Variants in ANP32B observed in about 807,000 individuals in gnomAD.
The protein encoded by ANP32B is acidic nuclear phosphoprotein 32 family member B.
In ANP32B, 6 loss-of-function variants were observed where a neutral mutation model predicts 32.2. The ratio of observed to expected loss-of-function variants is 0.19; its 90% confidence interval spans 0.10 to 0.37. The LOEUF is 0.37. Ranked by LOEUF, ANP32B falls within the 10% of genes least tolerant of loss-of-function variation. The pLI is 1.00. For missense variants in ANP32B, 204 were observed against 289.2 expected (o/e 0.71, Z 2.14); for synonymous variants, 98 against 105.8 (o/e 0.93, Z 0.45).
At chr9:97,983,822 G>C (rs1827644048) in intron 1 of ANP32B, among the ~76,000 whole-genome samples, 1 of 151,882 alleles carries the variant, frequency 6.6e-6, no homozygotes, top group Non-Finnish European at 1.5e-5. Flanking sequence ...CGGCCGGGGG[G>C]AGGCAGCGGT....
At chr9:97,984,031 G>A (rs1026057131) in intron 1 of ANP32B, among the ~76,000 whole-genome samples, 3 of 149,902 alleles carry the variant, frequency 2.0e-5, no homozygotes, top group African/African-American at 7.3e-5. Context: ...CCTGGGCCAG[G>A]CCGGGCTCCG....
chr9:98,007,081 A>G (rs983259848), intron 4 of ANP32B, among the ~76,000 whole-genome samples: 2 of 152,226 alleles, frequency 1.3e-5, no homozygotes, highest in African/African-American at 2.4e-5. Flanking sequence ...TTCAAAAGAA[A>G]TAAACATGAA....
intron 5 of ANP32B, among the ~76,000 whole-genome samples, chr9:98,011,994 G>A (rs935601478): frequency 1.3e-5 from 2 of 152,158 alleles, no homozygotes; most frequent in Non-Finnish European, 2.9e-5. Context: ...TTAACAAAAC[G>A]CATCCTCTTT....
chr9:97,987,744 TAA>T (rs1209551360), intron 1 of ANP32B: 1 of 152,196 alleles, frequency 6.6e-6, no homozygotes, highest in Admixed American at 6.5e-5. Flanking sequence ...TATACCAAAA[TAA>T]AAGTCTTTAC....
intron 1 of ANP32B, among the ~76,000 whole-genome samples, chr9:97,984,971 G>C (rs1293271270): frequency 6.6e-6 from 1 of 150,992 alleles, no homozygotes; most frequent in East Asian, 2.0e-4. Context: ...GCCTGAGGGC[G>C]GCCCTCTTGC....
chr9:97,987,359 A>G (rs998334039), intron 1 of ANP32B, among the ~76,000 whole-genome samples: 7 of 152,178 alleles, frequency 4.6e-5, no homozygotes, highest in Admixed American at 4.6e-4. Flanking sequence ...TATTTTATAT[A>G]AAATATTGGC....
At position 98,015,710 on chromosome 9, in the gene ANP32B, T is replaced by C. The variant is rs1042295735; in HGVS notation, c.*279T>C. The C allele has an allele frequency of 2.0e-5, 21 of 1,074,208 alleles. No homozygotes were observed. In the Admixed American group the frequency reaches 3.5e-4, roughly 18 times the overall value. 66.5% of individuals were successfully genotyped at this position (1,074,208 alleles called of 1,614,324 possible). ...CTTGCTGTAGCGTGGATAGCTGTGA[T>C]TGGTGAGTCAACCGTCTGTGGCTAC... On this transcript the variant is annotated 3_prime_UTR_variant, in exon 7 of 7. Transcript: ENST00000339399.
chr9:97,987,426 A>G (rs1827755563), intron 1 of ANP32B: 1 of 152,238 alleles, frequency 6.6e-6, no homozygotes, highest in East Asian at 1.9e-4. Context: ...CACCATGGAA[A>G]TTGGAGGTCT....
At chr9:97,985,066 G>GCCC (rs748980963) in intron 1 of ANP32B, among the ~76,000 whole-genome samples, 55 of 140,862 alleles carry the variant, frequency 3.9e-4, no homozygotes, top group African/African-American at 1.3e-3. Flanking sequence ...GCCGTCGCGA[G>GCCC]CCCCCCCCCC....
At chr9:97,986,518 G>T (rs1490473155) in intron 1 of ANP32B, 1 of 152,222 alleles carries the variant, frequency 6.6e-6, no homozygotes, top group African/African-American at 2.4e-5. Flanking sequence ...AGGAAAAAAT[G>T]CTGTAGATTT....
chr9:98,005,094 A>G lies in ANP32B; in HGVS notation c.458A>G (p.Gln153Arg), dbSNP rs2131589131. ...TTGGATGGCTATGACCGAGAGGACC[A>G]GGAAGCACCTGACTCAGATGCCGAG... Reference protein sequence around the residue: ...TYLDGYDREDQEAPDSDAEVD... With the variant: ...TYLDGYDREDREAPDSDAEVD... Residue 153 changes from glutamine to arginine, a missense_variant, in exon 4 of 7, where the codon CAG (glutamine) becomes CGG (arginine). By Grantham distance (43) the Gln-to-Arg change is conservative (BLOSUM62 1). Coordinates refer to ENST00000339399, the MANE Select transcript of ANP32B (RefSeq NM_006401.3). 1 of 1,614,056 alleles carries G rather than the reference A, an allele frequency of 6.2e-7. No individual in the cohort carries two copies. Among genetic ancestry groups the G allele is most frequent in the Non-Finnish European group, 8.5e-7 (1 of 1,179,998 alleles).
At chr9:97,991,102 C>T (rs1049119997) in intron 1 of ANP32B, among the ~76,000 whole-genome samples, 7 of 150,646 alleles carry the variant, frequency 4.6e-5, no homozygotes, top group Admixed American at 1.3e-4. Context: ...GGATTATAGA[C>T]GTGAGCCACC....
In ANP32B at chr9:98,005,519, C is replaced by CA. The variant is rs757340988; in HGVS notation, c.517+376dup. 3.2e-3 allele frequency among the ~76,000 whole-genome samples: 456 copies of CA among 144,348 alleles called. 3 individuals carry two copies. The highest frequency in any genetic ancestry group is 4.8e-3 in the Non-Finnish European group (317 of 65,474). The allele number at this position is 144,348 out of a possible 152,430, so 94.7% of individuals were successfully genotyped here. A position where few individuals can be genotyped will look rare whatever the true frequency, so the allele number is the denominator to read the frequency against. On this transcript the variant is annotated intron_variant, in intron 4 of 6. Transcript: ENST00000339399. Reference sequence around the variant, plus strand: ...GTCTCAGAAGACAGACAGGGTGTCTCAAAAAAAAAAGCTACTAGATGTTCT... The same window carrying CA: ...GTCTCAGAAGACAGACAGGGTGTCTCAAAAAAAAAAAGCTACTAGATGTTCT...
intron 3 of ANP32B, among the ~76,000 whole-genome samples, chr9:97,999,769 GA>G (rs1827959840): frequency 6.6e-6 from 1 of 152,222 alleles, no homozygotes; most frequent in African/African-American, 2.4e-5. Flanking sequence ...GTAGTGGCCA[GA>G]AAAGGGCTTC....
intron 4 of ANP32B, among the ~76,000 whole-genome samples, chr9:98,010,912 A>C (rs1202983300): frequency 6.6e-6 from 1 of 152,100 alleles, no homozygotes; most frequent in Non-Finnish European, 1.5e-5. Flanking sequence ...TAGCAAAATG[A>C]ACCCCCATGT....
intron 1 of ANP32B, among the ~76,000 whole-genome samples, chr9:97,993,606 A>C (rs923277907): frequency 3.3e-5 from 5 of 152,196 alleles, no homozygotes; most frequent in African/African-American, 1.2e-4. Flanking sequence ...TAGACTATTA[A>C]ATAATCAATA....
intron 2 of ANP32B, among the ~76,000 whole-genome samples, chr9:97,997,513 G>A (rs1049805840): frequency 2.0e-5 from 3 of 152,276 alleles, no homozygotes; most frequent in East Asian, 3.9e-4. Context: ...AGCCTGCCTG[G>A]CTTCAAATCA....
At chr9:98,010,235 C>T (rs1190538745) in intron 4 of ANP32B, among the ~76,000 whole-genome samples, 2 of 149,588 alleles carry the variant, frequency 1.3e-5, no homozygotes, top group African/African-American at 4.9e-5. Flanking sequence ...AAGGTTCCTA[C>T]CCTCTTGGAC....
chr9:97,989,215 G>A (rs1399490273), intron 1 of ANP32B, among the ~76,000 whole-genome samples: 2 of 152,118 alleles, frequency 1.3e-5, no homozygotes, highest in Non-Finnish European at 2.9e-5. Flanking sequence ...TTTTCATAGA[G>A]GTAGTGTTAT....
Sources: gnomAD v4.1 joint callset for allele counts (sites outside exome capture counted in the v4.1 genomes callset) on GRCh38, gnomAD v4.1.1 for gene constraint, MANE v1.5 for transcripts, NCBI Gene and HGNC (gene_info 2026-07-23, HGNC 2026-07-21) for gene names.